Variants in SHISA6 observed in about 807,000 individuals in gnomAD.
SHISA6 encodes protein shisa-6.
A neutral mutation model predicts 47.9 loss-of-function variants in SHISA6; 22 were observed. That is an observed-to-expected ratio of 0.46 (90% CI 0.33 to 0.66). The LOEUF is 0.66. Among genes scored for constraint, SHISA6 ranks in the 30% least tolerant of loss-of-function variants. The probability of loss-of-function intolerance (pLI) is 0.02; values close to 1 mark genes in which losing one functional copy is unlikely to be tolerated. For missense variants in SHISA6, 680 were observed against 764.6 expected (o/e 0.89, Z 1.30); for synonymous variants, 388 against 337.8 (o/e 1.15, Z -1.63).
chr17:11,563,666 T>C lies in SHISA6; in HGVS notation c.*5362T>C, dbSNP rs1567642639. 2 of 152,200 alleles carry C rather than the reference T, an allele frequency of 1.3e-5. No homozygotes were observed. The highest frequency in any genetic ancestry group is 2.4e-5 in the African/African-American group (1 of 41,444). 9.4% of individuals were successfully genotyped at this position (152,200 alleles called of 1,614,324 possible). A position where few individuals can be genotyped will look rare whatever the true frequency, so the allele number is the denominator to read the frequency against. Reference sequence around the variant, plus strand: ...TCTAGTTCTATAACTCAACTAGACATTTTGTAGTAAAGAATTCTTGAAATT... The same window carrying C: ...TCTAGTTCTATAACTCAACTAGACACTTTGTAGTAAAGAATTCTTGAAATT... On this transcript the variant is annotated 3_prime_UTR_variant, in exon 6 of 6. Transcript: ENST00000441885.
At chr17:11,374,527 T>C (rs1044084774) in intron 2 of SHISA6, among the ~76,000 whole-genome samples, 5 of 152,108 alleles carry the variant, frequency 3.3e-5, no homozygotes, top group African/African-American at 7.2e-5. Context: ...TTTTTGTGTA[T>C]ATTTGCATGT....
chr17:11,390,897 A>C (rs896863800), intron 3 of SHISA6, among the ~76,000 whole-genome samples: 11 of 152,224 alleles, frequency 7.2e-5, no homozygotes, highest in Admixed American at 7.2e-4. Context: ...TCTGCCTGTG[A>C]GAAGCCAGGC....
intron 3 of SHISA6, among the ~76,000 whole-genome samples, chr17:11,485,221 C>T (rs1916317123): frequency 6.6e-6 from 1 of 151,674 alleles, no homozygotes; most frequent in African/African-American, 2.4e-5. Flanking sequence ...AGAAGGAGGC[C>T]AGAGAAGGAG....
intron 2 of SHISA6, among the ~76,000 whole-genome samples, chr17:11,373,046 G>C (rs138529570): frequency 4.6e-5 from 7 of 151,596 alleles, no homozygotes; most frequent in African/African-American, 1.5e-4. Context: ...CTCGTTAAAT[G>C]CTTAAAAATG....
At chr17:11,429,198 C>T (rs559246996) in intron 3 of SHISA6, among the ~76,000 whole-genome samples, 1 of 152,256 alleles carries the variant, frequency 6.6e-6, no homozygotes, top group East Asian at 1.9e-4. Flanking sequence ...GGACACTGCC[C>T]TCAGTTCCTT....
chr17:11,554,073 T>G, intron 4 of SHISA6, among the ~76,000 whole-genome samples: 1 of 152,086 alleles, frequency 6.6e-6, no homozygotes, highest in East Asian at 1.9e-4. Context: ...TGGAAGTGGG[T>G]GAGCTGAGTG....
chr17:11,428,201 G>A (rs1394758081), intron 3 of SHISA6, among the ~76,000 whole-genome samples: 11 of 152,186 alleles, frequency 7.2e-5, no homozygotes, highest in South Asian at 2.1e-4. Flanking sequence ...CCAGAGACAC[G>A]CAGTTAATTA....
At chr17:11,342,612 A>G (rs1911574426) in intron 2 of SHISA6, among the ~76,000 whole-genome samples, 1 of 152,190 alleles carries the variant, frequency 6.6e-6, no homozygotes, top group Non-Finnish European at 1.5e-5. Context: ...AGCAGTAACA[A>G]CCTTCTAGCA....
chr17:11,513,662 AAC>A (rs1420940375), intron 3 of SHISA6, among the ~76,000 whole-genome samples: 1 of 152,116 alleles, frequency 6.6e-6, no homozygotes, highest in Non-Finnish European at 1.5e-5. Context: ...TAAGTATAGA[AAC>A]TTGCAGACAA....
At chr17:11,504,951 G>C (rs191159307) in intron 3 of SHISA6, among the ~76,000 whole-genome samples, 35 of 152,300 alleles carry the variant, frequency 2.3e-4, no homozygotes, top group Admixed American at 1.1e-3. Flanking sequence ...CTATGTGTCT[G>C]ACACTGCTGT....
intron 5 of SHISA6, among the ~76,000 whole-genome samples, chr17:11,557,003 G>C (rs1312216562): frequency 1.3e-5 from 2 of 152,300 alleles, no homozygotes; most frequent in East Asian, 3.9e-4. Context: ...GCTGGATAGA[G>C]AGAAAGGTGG....
At chr17:11,423,917 G>T (rs952877048) in intron 3 of SHISA6, among the ~76,000 whole-genome samples, 4 of 152,076 alleles carry the variant, frequency 2.6e-5, no homozygotes, top group African/African-American at 9.7e-5. Flanking sequence ...AAAATTAAAA[G>T]CCCAAAGGAT....
chr17:11,526,793 A>G (rs1042668256), intron 3 of SHISA6, among the ~76,000 whole-genome samples: 3 of 149,996 alleles, frequency 2.0e-5, no homozygotes, highest in Non-Finnish European at 3.0e-5. Flanking sequence ...TTTTGTTTTT[A>G]TAATTATTTT....
intron 3 of SHISA6, among the ~76,000 whole-genome samples, chr17:11,546,418 T>C (rs1380634124): frequency 1.3e-5 from 2 of 152,192 alleles, no homozygotes; most frequent in African/African-American, 4.8e-5. Flanking sequence ...GAATCCCTTT[T>C]AGCTAATTGG....
chr17:11,429,093 G>A (rs1419154314), intron 3 of SHISA6, among the ~76,000 whole-genome samples: 1 of 152,138 alleles, frequency 6.6e-6, no homozygotes, highest in East Asian at 1.9e-4. Flanking sequence ...CCGGCCAAGG[G>A]ATCCACTTTC....
intron 2 of SHISA6, among the ~76,000 whole-genome samples, chr17:11,371,926 A>G (rs916274560): frequency 6.6e-5 from 10 of 152,098 alleles, no homozygotes; most frequent in Non-Finnish European, 1.3e-4. Flanking sequence ...GATTGTGTTC[A>G]TGATTATTTC....
intron 3 of SHISA6, among the ~76,000 whole-genome samples, chr17:11,455,815 C>T (rs1037395336): frequency 2.6e-5 from 4 of 152,148 alleles, no homozygotes; most frequent in African/African-American, 7.2e-5. Flanking sequence ...TACTGGCCAT[C>T]GAAAACCCTT....
chr17:11,310,451 A>T (rs1030971581), intron 2 of SHISA6, among the ~76,000 whole-genome samples: 1 of 152,180 alleles, frequency 6.6e-6, no homozygotes, highest in African/African-American at 2.4e-5. Context: ...AAGCCAGAGA[A>T]TGCAATGCCC....
intron 2 of SHISA6, chr17:11,288,138 T>TA (rs1362164714): frequency 2.0e-5 from 3 of 152,326 alleles, no homozygotes; most frequent in Admixed American, 6.5e-5. Context: ...AAGGATGCTT[T>TA]AAAAAATCCA....
Sources: gnomAD v4.1 joint callset for allele counts (sites outside exome capture counted in the v4.1 genomes callset) on GRCh38, gnomAD v4.1.1 for gene constraint, MANE v1.5 for transcripts, NCBI Gene and HGNC (gene_info 2026-07-23, HGNC 2026-07-21) for gene names.